LRP1B: variants seen among roughly 807,000 people sequenced by gnomAD.
The protein encoded by LRP1B is low-density lipoprotein receptor-related protein 1B.
Under a neutral mutation model 556.6 loss-of-function variants are expected in LRP1B, and 217 were observed. That is an observed-to-expected ratio of 0.39 (90% confidence interval 0.35 to 0.44). The LOEUF (loss-of-function observed/expected upper bound fraction) is 0.44. Ranked by LOEUF, LRP1B falls within the 20% of genes least tolerant of loss-of-function variation. The probability of loss-of-function intolerance (pLI) is 1.00; values close to 1 mark genes in which losing one functional copy is unlikely to be tolerated. For missense variants in LRP1B, 5,053 were observed against 5,620.8 expected (o/e 0.90, Z 3.23); for synonymous variants, 2,047 against 1,865.8 (o/e 1.10, Z -2.50).
In LRP1B at chr2:140,371,237, C is replaced by A. The variant is rs2105166888; in HGVS notation, c.10817G>T (p.Cys3606Phe). The change falls in exon 70 of 91, where the codon TGT (cysteine) becomes TTT (phenylalanine). Residue 3606 changes from cysteine (C) to phenylalanine (F), a missense_variant. Physicochemically the swap from Cys to Phe is radical, Grantham distance 205 (BLOSUM62 -2). Coordinates refer to ENST00000389484, the MANE Select transcript of LRP1B (RefSeq NM_018557.3). Reference protein sequence around the residue: ...SREYICASDGCISASLKCNGE... With the variant: ...SREYICASDGFISASLKCNGE... ...ATTACATTTCAAAGATGCTGAAATACATCCATCACTGGCACATATATATTC... is the reference window on the plus strand; with the variant it reads ...ATTACATTTCAAAGATGCTGAAATAAATCCATCACTGGCACATATATATTC... 6.3e-7 allele frequency: 1 copy of A among 1,597,366 alleles called. No homozygotes were observed. Among genetic ancestry groups the A allele is most frequent in the South Asian group, 1.1e-5 (1 of 88,250 alleles).
rs546726088 is a variant in LRP1B at position 140,771,108 on chromosome 2, C to T, written c.5501-102G>A. ...TGACAAATATGTATGCTATTGATTT[C>T]TAAATGCAGCTGTTTCATACTGGTT... is the stretch of plus-strand genomic sequence containing the variant. On this transcript the variant is annotated intron_variant, in intron 33 of 90. Coordinates refer to ENST00000389484, the MANE Select transcript of LRP1B (RefSeq NM_018557.3). 1.2e-4 allele frequency: 86 copies of T among 733,166 alleles called. No homozygotes were observed. In the African/African-American group the frequency reaches 1.5e-3, roughly 13 times the overall value. 45.4% of individuals were successfully genotyped at this position (733,166 alleles called of 1,614,324 possible). A position where few individuals can be genotyped will look rare whatever the true frequency, so the allele number is the denominator to read the frequency against.
chr2:141,464,611 T>TTTTTTTTTTTTTTTTTTTTTG (rs1682103249), intron 3 of LRP1B, among the ~76,000 whole-genome samples: 3 of 139,872 alleles, frequency 2.1e-5, no homozygotes, highest in South Asian at 4.4e-4. Context: ...TATATATTTT[T>TTTTTTTTTTTTTTTTTTTTTG]TTAGTAGAGA....
At chr2:140,766,844 TTA>T (rs369013160) in intron 35 of LRP1B, among the ~76,000 whole-genome samples, 773 of 54,804 alleles carry the variant, frequency 0.014, 7 homozygotes, top group Middle Eastern at 0.05. Flanking sequence ...TATATATATA[TTA>T]TATATATATA....
chr2:140,517,987 G>A (rs1467334304), intron 49 of LRP1B, among the ~76,000 whole-genome samples: 1 of 152,008 alleles, frequency 6.6e-6, no homozygotes, highest in Non-Finnish European at 1.5e-5. Flanking sequence ...GGGATTACAG[G>A]TGTGAGCCAC....
At chr2:141,408,578 A>G (rs1690728524) in intron 3 of LRP1B, among the ~76,000 whole-genome samples, 1 of 152,148 alleles carries the variant, frequency 6.6e-6, no homozygotes, top group Non-Finnish European at 1.5e-5. Context: ...GAAATAGTCA[A>G]CAAGGTAACA....
chr2:141,944,409 G>A (rs1224552773), intron 1 of LRP1B, among the ~76,000 whole-genome samples: 9 of 152,066 alleles, frequency 5.9e-5, no homozygotes, highest in African/African-American at 2.2e-4. Flanking sequence ...CTTCAAAAAG[G>A]CATAGCTTAA....
chr2:140,448,966 G>A (rs1686778166), intron 63 of LRP1B, among the ~76,000 whole-genome samples: 1 of 151,992 alleles, frequency 6.6e-6, no homozygotes, highest in Non-Finnish European at 1.5e-5. Context: ...ATGTCTTTCA[G>A]ACATCAGTGC....
chr2:141,385,337 A>C (rs1349601572), intron 3 of LRP1B, among the ~76,000 whole-genome samples: 1 of 152,156 alleles, frequency 6.6e-6, no homozygotes, highest in Non-Finnish European at 1.5e-5. Context: ...AAAATCTAAA[A>C]TCTGCAATGA....
chr2:141,057,185 G>A (rs762225957), intron 9 of LRP1B, among the ~76,000 whole-genome samples: 6 of 151,794 alleles, frequency 4.0e-5, no homozygotes, highest in Non-Finnish European at 7.4e-5. Context: ...CAGTCATACC[G>A]TGAGATTTTT....
intron 62 of LRP1B, among the ~76,000 whole-genome samples, chr2:140,451,851 A>G (rs1296816386): frequency 6.6e-6 from 1 of 152,180 alleles, no homozygotes; most frequent in Non-Finnish European, 1.5e-5. Context: ...TACCTAAAAA[A>G]AAAACTTTTC....
At position 140,394,930 on chromosome 2, in the gene LRP1B, CATACTT is replaced by C. The variant is rs1192341919; in HGVS notation, c.10415-8927_10415-8922del. 2.3e-4 allele frequency among the ~76,000 whole-genome samples: 35 copies of C among 152,184 alleles called. 3 individuals carry two copies. The highest frequency in any genetic ancestry group is 6.7e-4 in the African/African-American group (28 of 41,542). On this transcript the variant is annotated intron_variant, in intron 66 of 90. Coordinates refer to ENST00000389484, the MANE Select transcript of LRP1B (RefSeq NM_018557.3). Reference sequence around the variant, plus strand: ...TCAGAAGACACCAACAGAGTAAAGACATACTTATAAATGGAGAAAAAAATGAGATTG... The same window carrying C: ...TCAGAAGACACCAACAGAGTAAAGACATAAATGGAGAAAAAAATGAGATTG...
intron 2 of LRP1B, among the ~76,000 whole-genome samples, chr2:141,695,710 T>C (rs1691712963): frequency 6.6e-6 from 1 of 151,942 alleles, no homozygotes; most frequent in Non-Finnish European, 1.5e-5. Context: ...AATGCCACTG[T>C]ATTGTTAAAA....
intron 3 of LRP1B, among the ~76,000 whole-genome samples, chr2:141,370,392 G>A (rs544685935): frequency 6.6e-6 from 1 of 152,060 alleles, no homozygotes; most frequent in East Asian, 1.9e-4. Context: ...ACATTTCCCT[G>A]GTGATTAATG....
intron 2 of LRP1B, among the ~76,000 whole-genome samples, chr2:141,608,108 CA>C (rs1391550540): frequency 6.6e-6 from 1 of 152,000 alleles, no homozygotes; most frequent in Non-Finnish European, 1.5e-5. Flanking sequence ...CCTGTAATCC[CA>C]GCTGCTTGTG....
chr2:140,556,502 C>T (rs1558965775), intron 43 of LRP1B, among the ~76,000 whole-genome samples: 1 of 151,988 alleles, frequency 6.6e-6, no homozygotes, highest in Non-Finnish European at 1.5e-5. Flanking sequence ...AAACTTAGCA[C>T]AAAAATTCAC....
At chr2:140,262,929 GTTTA>G (rs1326591197) in intron 86 of LRP1B, among the ~76,000 whole-genome samples, 1 of 152,070 alleles carries the variant, frequency 6.6e-6, no homozygotes, top group Admixed American at 6.6e-5. Context: ...AAATATGTTT[GTTTA>G]TTTGTTTGTT....
chr2:141,047,685 G>A (rs992399089), intron 11 of LRP1B, among the ~76,000 whole-genome samples: 2 of 151,892 alleles, frequency 1.3e-5, no homozygotes, highest in African/African-American at 2.4e-5. Context: ...TTATTTTAGC[G>A]CATTTTAGTG....
chr2:141,208,094 C>T (rs1052355489), intron 6 of LRP1B: 1 of 152,230 alleles, frequency 6.6e-6, no homozygotes, highest in Non-Finnish European at 1.5e-5. Flanking sequence ...CAGCTACCAG[C>T]AGTATCTGGT....
intron 35 of LRP1B, among the ~76,000 whole-genome samples, chr2:140,757,117 A>T (rs570102264): frequency 2.0e-5 from 3 of 152,354 alleles, no homozygotes; most frequent in Non-Finnish European, 4.4e-5. Context: ...ATGAGATACC[A>T]CTTTATATTC....
Sources: gnomAD v4.1 joint callset for allele counts (sites outside exome capture counted in the v4.1 genomes callset) on GRCh38, gnomAD v4.1.1 for gene constraint, MANE v1.5 for transcripts, NCBI Gene and HGNC (gene_info 2026-07-23, HGNC 2026-07-21) for gene names.